Variants in CRLS1 observed in about 807,000 individuals in gnomAD.
CRLS1 encodes the protein cardiolipin synthase 1.
CRLS1 carries 24 observed loss-of-function variants against 37.0 expected under a neutral mutation model. The observed-to-expected ratio is 0.65, with a 90% CI of 0.47 to 0.91. The LOEUF is 0.91. Ranked by LOEUF, CRLS1 falls within the 40% of genes least tolerant of loss-of-function variation. The probability of loss-of-function intolerance (pLI) is 0.00; values close to 1 mark genes in which losing one functional copy is unlikely to be tolerated. For synonymous variants in CRLS1, 135 were observed against 159.7 expected (o/e 0.85, Z 1.17); for missense variants, 373 against 395.8 (o/e 0.94, Z 0.49).
chr20:6,033,396 A>G (rs1338285030), intron 5 of CRLS1, among the ~76,000 whole-genome samples: 1 of 152,136 alleles, frequency 6.6e-6, no homozygotes, highest in Non-Finnish European at 1.5e-5. Context: ...TCGGCCTCCC[A>G]AAGTGCTGGG....
chr20:6,011,380 A>G (rs1056785927), intron 2 of CRLS1, among the ~76,000 whole-genome samples: 1 of 152,042 alleles, frequency 6.6e-6, no homozygotes. Flanking sequence ...GGTGGGCAAC[A>G]TAAAATTAAC....
chr20:6,013,389 G>T (rs899001569), intron 2 of CRLS1, among the ~76,000 whole-genome samples: 2 of 152,000 alleles, frequency 1.3e-5, no homozygotes, highest in Admixed American at 1.3e-4. Flanking sequence ...AAATGATCAG[G>T]TAGAAAGATT....
In CRLS1 at chr20:6,006,553, G is replaced by T; in HGVS notation, c.306+1G>T. The T allele has an allele frequency of 7.8e-7, 1 of 1,281,698 alleles. No individual in the cohort carries two copies. Among genetic ancestry groups the T allele is most frequent in the Non-Finnish European group, 9.8e-7 (1 of 1,020,430 alleles). 79.4% of individuals were successfully genotyped at this position (1,281,698 alleles called of 1,614,324 possible). A position where few individuals can be genotyped will look rare whatever the true frequency, so the allele number is the denominator to read the frequency against. ...GGGCCCGGCGAGCACCCCCAGCCTG[G>T]TACGTACCGATGAGGCGGCGGCGGG... is the stretch of plus-strand genomic sequence containing the variant. On this transcript the variant is annotated splice_donor_variant, in intron 1 of 6. Transcript: ENST00000378863. LOFTEE classifies it high-confidence loss of function.
chr20:6,038,696 G>T lies in CRLS1; in HGVS notation c.*1538G>T, dbSNP rs1413797492. The T allele has an allele frequency of 1.3e-5, 2 of 152,178 alleles. No individual in the cohort carries two copies. Among genetic ancestry groups the T allele is most frequent in the African/African-American group, 4.8e-5 (2 of 41,432 alleles). The allele number at this position is 152,178 out of a possible 1,614,324, so 9.4% of individuals were successfully genotyped here. A position where few individuals can be genotyped will look rare whatever the true frequency, so the allele number is the denominator to read the frequency against. On this transcript the variant is annotated 3_prime_UTR_variant, in exon 7 of 7. Transcript: ENST00000378863. ...AGAGGCACACTGAGCATTAGTGACGGGTGAGCCACATAAGAATAATGTTTA... is the reference window on the plus strand; with the variant it reads ...AGAGGCACACTGAGCATTAGTGACGTGTGAGCCACATAAGAATAATGTTTA...
chr20:6,029,358 C>CATTT (rs1024194282), intron 3 of CRLS1, among the ~76,000 whole-genome samples: 20 of 127,582 alleles, frequency 1.6e-4, no homozygotes, highest in Non-Finnish European at 3.0e-4. Flanking sequence ...ATTTGCTGCT[C>CATTT]TTTTTTTTTT....
chr20:6,031,242 T>C (rs757968385), intron 3 of CRLS1, 43 bp from the exon 4 acceptor site: 1 of 1,333,366 alleles, frequency 7.5e-7, no homozygotes, highest in Admixed American at 1.8e-5. Context: ...ATATTAGTAC[T>C]CTTCAGAATC....
Position 6,034,527 on chromosome 20 carries a change from G to A in CRLS1, c.793G>A (p.Ala265Thr). Residue 265 changes from alanine (A) to threonine (T), a missense_variant, in exon 6 of 7, where the codon GCT (alanine) becomes ACT (threonine). Coordinates refer to ENST00000378863, the MANE Select transcript of CRLS1 (RefSeq NM_019095.6). ...TTTGGCAGCTCCAGTTTTCAACTAT[G>A]CTGACAGCATTTATCTTCAGATACT... ...ASLAAPVFNY[A>T]DSIYLQILWC... 3 of 1,612,524 alleles carry A rather than the reference G, an allele frequency of 1.9e-6. No individual in the cohort carries two copies. Among genetic ancestry groups the A allele is most frequent in the Non-Finnish European group, 2.5e-6 (3 of 1,179,382 alleles).
intron 6 of CRLS1, among the ~76,000 whole-genome samples, chr20:6,035,835 C>A (rs143979821): frequency 1.3e-5 from 2 of 151,306 alleles, no homozygotes; most frequent in Admixed American, 1.3e-4. Context: ...GACAGAGTCT[C>A]GCTCTGTTGC....
At chr20:6,034,005 A>G (rs1980372228) in intron 5 of CRLS1, among the ~76,000 whole-genome samples, 1 of 152,220 alleles carries the variant, frequency 6.6e-6, no homozygotes, top group Non-Finnish European at 1.5e-5. Flanking sequence ...GCAAGAAAGG[A>G]GCATCGGATA....
rs545543707 is a variant in CRLS1, at chr20:6,010,889, C to T, written c.444+977C>T. On this transcript the variant is annotated intron_variant, in intron 2 of 6. Transcript: ENST00000378863. Reference sequence around the variant, plus strand: ...AAAATTAGCTGGGCATGGTGGCATACGCCTGCAGTCCTAGGTACTCAGGAG... The same window carrying T: ...AAAATTAGCTGGGCATGGTGGCATATGCCTGCAGTCCTAGGTACTCAGGAG... 3.3e-4 allele frequency among the ~76,000 whole-genome samples: 50 copies of T among 152,188 alleles called. 1 individual carries two copies. Among genetic ancestry groups the T allele is most frequent in the African/African-American group, 1.1e-3 (47 of 41,544 alleles).
chr20:6,011,832 C>T (rs1232339404), intron 2 of CRLS1, among the ~76,000 whole-genome samples: 16 of 151,576 alleles, frequency 1.1e-4, no homozygotes, highest in South Asian at 8.4e-4. Context: ...GTAATCCACC[C>T]ACCTCGGCCT....
chr20:6,037,191 A>C lies in CRLS1; in HGVS notation c.*33A>C. ...CATCCCTCACTGTTAGTAAGGAAGCAGTATACATCAATGGGAACAGGGCCC... is the reference window on the plus strand; with the variant it reads ...CATCCCTCACTGTTAGTAAGGAAGCCGTATACATCAATGGGAACAGGGCCC... On this transcript the variant is annotated 3_prime_UTR_variant, in exon 7 of 7. Coordinates refer to ENST00000378863, the MANE Select transcript of CRLS1 (RefSeq NM_019095.6). 1 of 1,511,454 alleles carries C rather than the reference A, an allele frequency of 6.6e-7. No individual in the cohort carries two copies. The highest frequency in any genetic ancestry group is 9.2e-7 in the Non-Finnish European group (1 of 1,088,310). The allele number at this position is 1,511,454 out of a possible 1,614,324, so 93.6% of individuals were successfully genotyped here. A position where few individuals can be genotyped will look rare whatever the true frequency, so the allele number is the denominator to read the frequency against.
Position 6,006,239 on chromosome 20 carries a change from G to A in CRLS1, c.-8G>A. Reference sequence around the variant, plus strand: ...CCGCCCGAGACCCCGCGGCGCGGCCGCAGGGCCATGCTAGCCTTGCGCGTG... The same window carrying A: ...CCGCCCGAGACCCCGCGGCGCGGCCACAGGGCCATGCTAGCCTTGCGCGTG... On this transcript the variant is annotated 5_prime_UTR_variant, in exon 1 of 7. Transcript: ENST00000378863. 1 of 1,224,254 alleles carries A rather than the reference G, an allele frequency of 8.2e-7. No homozygotes were observed. The highest frequency in any genetic ancestry group is 1.0e-6 in the Non-Finnish European group (1 of 983,118). The allele number at this position is 1,224,254 out of a possible 1,614,324, so 75.8% of individuals were successfully genotyped here.
intron 6 of CRLS1, among the ~76,000 whole-genome samples, chr20:6,035,797 TTTAA>T (rs1980503126): frequency 1.3e-5 from 2 of 151,790 alleles, no homozygotes; most frequent in African/African-American, 2.4e-5. Flanking sequence ...GCTATTTTTT[TTTAA>T]TTAATTAATT....
intron 3 of CRLS1, among the ~76,000 whole-genome samples, chr20:6,019,730 C>T (rs1297913621): frequency 7.3e-6 from 1 of 136,760 alleles, no homozygotes. Context: ...GGCATGATCT[C>T]AGCTCACTGC....
chr20:6,016,758 A>G (rs1257513128), intron 3 of CRLS1, among the ~76,000 whole-genome samples: 1 of 152,170 alleles, frequency 6.6e-6, no homozygotes, highest in Non-Finnish European at 1.5e-5. Flanking sequence ...ACTTCCCTTC[A>G]CTGGCAATCT....
rs370533992 is a variant in CRLS1 at position 6,021,605 on chromosome 20, CAT to C, written c.574+6118_574+6119del. Among the ~76,000 whole-genome samples the C allele has an allele frequency of 8.5e-3, 1,291 of 152,128 alleles. 16 individuals carry two copies. Among genetic ancestry groups the C allele is most frequent in the African/African-American group, 0.029 (1,223 of 41,474 alleles). On this transcript the variant is annotated intron_variant, in intron 3 of 6. Coordinates refer to ENST00000378863, the MANE Select transcript of CRLS1 (RefSeq NM_019095.6). ...CTTTTTAGATATCACTTGTAAATAA[CAT>C]ATTTATGTAAATATATATGTAAATA...
chr20:6,031,892 G>C, intron 4 of CRLS1, 120 bp from the exon 5 acceptor site: 1 of 704,798 alleles, frequency 1.4e-6, no homozygotes, highest in Non-Finnish European at 2.4e-6. Context: ...AGTATATATT[G>C]AATGTATGAT....
chr20:6,012,390 G>A (rs1187035656), intron 2 of CRLS1, among the ~76,000 whole-genome samples: 1 of 152,208 alleles, frequency 6.6e-6, no homozygotes, highest in African/African-American at 2.4e-5. Context: ...GGCAGCCGTG[G>A]TGGGAGCTTA....
Sources: allele counts gnomAD v4.1 joint callset (sites outside exome capture counted in the v4.1 genomes callset), GRCh38; gene constraint gnomAD v4.1.1; transcripts MANE v1.5; gene names NCBI Gene and HGNC (gene_info 2026-07-23, HGNC 2026-07-21).